Variants in MACROD2 observed in about 807,000 individuals in gnomAD.
MACROD2 encodes mono-ADP ribosylhydrolase 2.
A neutral mutation model predicts 70.4 loss-of-function variants in MACROD2; 36 were observed. The ratio of observed to expected loss-of-function variants is 0.51; its 90% CI spans 0.39 to 0.68. The LOEUF is 0.68. MACROD2 is among the 30% of genes least tolerant of loss of function. The pLI is 0.00. For synonymous variants in MACROD2, 172 were observed against 178.8 expected, an observed-to-expected ratio of 0.96 and a Z score of 0.30; for missense variants, 496 against 538.4, an observed-to-expected ratio of 0.92 and a Z score of 0.78.
At chr20:14,080,735 G>T (rs1375587784) in intron 2 of MACROD2, among the ~76,000 whole-genome samples, 1 of 151,626 alleles carries the variant, frequency 6.6e-6, no homozygotes, top group Non-Finnish European at 1.5e-5. Flanking sequence ...ACTGGATCCT[G>T]CCATCTTATG....
At chr20:14,684,444 AAG>A (rs1207180409) in intron 4 of MACROD2, among the ~76,000 whole-genome samples, 1 of 152,128 alleles carries the variant, frequency 6.6e-6, no homozygotes. Context: ...CAGCTCGGGA[AAG>A]AGAGACAATT....
intron 6 of MACROD2, among the ~76,000 whole-genome samples, chr20:15,295,861 C>T (rs1489309226): frequency 6.6e-6 from 1 of 152,136 alleles, no homozygotes; most frequent in Non-Finnish European, 1.5e-5. Context: ...ACAGATAGCT[C>T]ATAATCTTCC....
intron 5 of MACROD2, among the ~76,000 whole-genome samples, chr20:15,208,518 T>C (rs1389509053): frequency 6.6e-6 from 1 of 152,204 alleles, no homozygotes; most frequent in African/African-American, 2.4e-5. Context: ...CTCTGGATCT[T>C]TTTAAAATCT....
chr20:13,998,834 A>G (rs2148606710), intron 1 of MACROD2, among the ~76,000 whole-genome samples: 1 of 152,182 alleles, frequency 6.6e-6, no homozygotes, highest in South Asian at 2.1e-4. Flanking sequence ...ACACGCCTGT[A>G]ATCCCAGCTA....
At chr20:15,813,243 A>G (rs777910134) in intron 8 of MACROD2, among the ~76,000 whole-genome samples, 1 of 152,192 alleles carries the variant, frequency 6.6e-6, no homozygotes, top group Non-Finnish European at 1.5e-5. Context: ...TTATGTAACC[A>G]TGACTTCATC....
At chr20:14,948,710 A>G (rs2423870) in intron 5 of MACROD2, among the ~76,000 whole-genome samples, 18,518 of 152,190 alleles carry the variant, frequency 0.12, 2,698 homozygotes, top group African/African-American at 0.34. Context: ...TGGGGCAGAA[A>G]CAGGGTAGGT....
intron 8 of MACROD2, among the ~76,000 whole-genome samples, chr20:15,594,412 C>A (rs2048720222): frequency 1.3e-5 from 2 of 152,178 alleles, no homozygotes; most frequent in Admixed American, 1.3e-4. Context: ...AAACAACATT[C>A]TTGTGTATGT....
At chr20:14,087,145 AG>A (rs1206551087) in intron 3 of MACROD2, among the ~76,000 whole-genome samples, 4 of 152,194 alleles carry the variant, frequency 2.6e-5, no homozygotes, top group African/African-American at 9.6e-5. Flanking sequence ...CTGTAAGCCC[AG>A]CACTTTGGGA....
chr20:15,455,991 T>C (rs2046719667), intron 7 of MACROD2, among the ~76,000 whole-genome samples: 1 of 152,158 alleles, frequency 6.6e-6, no homozygotes, highest in Non-Finnish European at 1.5e-5. Context: ...GATAGCTCTG[T>C]TGACCTCATC....
At chr20:14,551,571 A>T (rs994867741) in intron 4 of MACROD2, among the ~76,000 whole-genome samples, 1 of 152,200 alleles carries the variant, frequency 6.6e-6, no homozygotes, top group Non-Finnish European at 1.5e-5. Context: ...AGATTGATTG[A>T]GGGTGATCAC....
intron 8 of MACROD2, among the ~76,000 whole-genome samples, chr20:15,527,505 C>A (rs141554997): frequency 3.3e-4 from 50 of 152,270 alleles, no homozygotes; most frequent in African/African-American, 1.2e-3. Flanking sequence ...AATTCTGTTT[C>A]TCCTGCTACC....
In MACROD2 at chr20:15,782,766, G is replaced by A. The variant is rs187387225; in HGVS notation, c.646-79979G>A. Among the ~76,000 whole-genome samples, 241 of 144,668 alleles carry A rather than the reference G, an allele frequency of 1.7e-3. 2 individuals are homozygous for A. In the Middle Eastern group the frequency reaches 0.017, roughly 10 times the overall value. The allele number at this position is 144,668 out of a possible 152,430, so 94.9% of individuals were successfully genotyped here. ...TTGTTGGTGACTGTATTTGTAGACTGCATACCAGTTATTTAAATTGTCTAA... is the reference window on the plus strand; with the variant it reads ...TTGTTGGTGACTGTATTTGTAGACTACATACCAGTTATTTAAATTGTCTAA... On this transcript the variant is annotated intron_variant, in intron 8 of 17. Coordinates refer to ENST00000684519, the MANE Select transcript of MACROD2 (RefSeq NM_001351661.2).
chr20:14,890,900 T>A (rs1352363057), intron 5 of MACROD2, among the ~76,000 whole-genome samples: 2 of 151,862 alleles, frequency 1.3e-5, no homozygotes, highest in Admixed American at 6.6e-5. Context: ...AATTTGAATG[T>A]CATGATGGAA....
Position 14,052,018 on chromosome 20 carries a change from C to G in MACROD2, c.164-33603C>G, listed in dbSNP as rs1569135932. 1.5e-5 allele frequency: 7 copies of G among 467,636 alleles called. 1 individual carries two copies. Among genetic ancestry groups the G allele is most frequent in the Non-Finnish European group, 3.0e-5 (7 of 233,564 alleles). 29.0% of individuals were successfully genotyped at this position (467,636 alleles called of 1,614,324 possible). Reference sequence around the variant, plus strand: ...AACAAGTTATGGAAAGAAAGTCTTACAGGTATTCTTCTTACATATTTTACT... The same window carrying G: ...AACAAGTTATGGAAAGAAAGTCTTAGAGGTATTCTTCTTACATATTTTACT... On this transcript the variant is annotated intron_variant, in intron 2 of 17. Transcript: ENST00000684519.
At chr20:16,017,557 G>A (rs1440741464) in intron 15 of MACROD2, among the ~76,000 whole-genome samples, 1 of 152,132 alleles carries the variant, frequency 6.6e-6, no homozygotes, top group African/African-American at 2.4e-5. Context: ...TCCTGGCCTT[G>A]TCAGTTTCCC....
chr20:15,707,826 A>G (rs1218716224), intron 8 of MACROD2, among the ~76,000 whole-genome samples: 1 of 151,992 alleles, frequency 6.6e-6, no homozygotes, highest in East Asian at 1.9e-4. Flanking sequence ...ACGTAAAAAA[A>G]AAAATCCCTT....
chr20:15,802,844 G>A (rs2063738279), intron 8 of MACROD2, among the ~76,000 whole-genome samples: 1 of 151,986 alleles, frequency 6.6e-6, no homozygotes, highest in African/African-American at 2.4e-5. Flanking sequence ...CGTTACAACT[G>A]ATACAACAAA....
chr20:14,285,974 G>T (rs572547972), intron 3 of MACROD2, among the ~76,000 whole-genome samples: 1 of 89,546 alleles, frequency 1.1e-5, no homozygotes, highest in Non-Finnish European at 2.8e-5. Context: ...GACAGACTCT[G>T]CAGCCAAAAA....
chr20:15,341,119 A>G (rs943394007), intron 6 of MACROD2, among the ~76,000 whole-genome samples: 6 of 152,170 alleles, frequency 3.9e-5, no homozygotes, highest in Non-Finnish European at 1.5e-5. Flanking sequence ...CACCGGACCC[A>G]TTTCACAAAG....
Sources: gnomAD v4.1 joint callset for allele counts (sites outside exome capture counted in the v4.1 genomes callset) on GRCh38, gnomAD v4.1.1 for gene constraint, MANE v1.5 for transcripts, NCBI Gene and HGNC (gene_info 2026-07-23, HGNC 2026-07-21) for gene names.